ZZEF1: variants seen among roughly 807,000 people sequenced by gnomAD.
ZZEF1 encodes zinc finger ZZ-type and EF-hand domain-containing protein 1.
A neutral mutation model predicts 342.8 loss-of-function variants in ZZEF1; 157 were observed. That is an observed-to-expected ratio of 0.46 (90% CI 0.40 to 0.52). ZZEF1 has a LOEUF of 0.52. Ranked by LOEUF, ZZEF1 falls within the 20% of genes least tolerant of loss-of-function variation. The pLI, the probability that ZZEF1 is intolerant of heterozygous loss-of-function variation, is 0.00. For synonymous variants in ZZEF1, 1,505 were observed against 1,429.1 expected (o/e 1.05, Z -1.20); for missense variants, 3,480 against 3,725.6 (o/e 0.93, Z 1.72).
Position 4,023,656 on chromosome 17 carries a change from C to CAAAAAAA in ZZEF1, c.7093-835_7093-829dup, listed in dbSNP as rs71144154. Among the ~76,000 whole-genome samples, 7 of 71,436 alleles carry CAAAAAAA rather than the reference C, an allele frequency of 9.8e-5. 1 individual carries two copies. Among genetic ancestry groups the CAAAAAAA allele is most frequent in the African/African-American group, 3.0e-4 (6 of 20,288 alleles). The allele number at this position is 71,436 out of a possible 152,430, so 46.9% of individuals were successfully genotyped here. A position where few individuals can be genotyped will look rare whatever the true frequency, so the allele number is the denominator to read the frequency against. ...GAAACTTAGCAAGACCCTGTCTCTC[C>CAAAAAAA]AAAAAAAAAAAAAAAAAAAAAATTA... is the stretch of plus-strand genomic sequence containing the variant. On this transcript the variant is annotated intron_variant, in intron 43 of 54. Transcript: ENST00000381638.
intron 1 of ZZEF1, among the ~76,000 whole-genome samples, chr17:4,127,309 A>T (rs2058587781): frequency 6.6e-6 from 1 of 152,140 alleles, no homozygotes; most frequent in Non-Finnish European, 1.5e-5. Context: ...GCTCTAAATG[A>T]TCTTAAGGAG....
At chr17:4,102,476 T>C (rs1869493) in intron 8 of ZZEF1, 61 bp from the exon 9 acceptor site, 1,418,716 of 1,432,190 alleles carry the variant, frequency 0.99, 703,628 homozygotes, top group Non-Finnish European at 1. Context: ...GAAACTAGCA[T>C]GCCTATCTGT....
rs2145514404 is a variant in ZZEF1 at position 4,117,184 on chromosome 17, A to C, written c.500-18T>G. ...TGTGAAACCTAAACAGATGAAATCC[A>C]TTTTTGGTGTTTTGGGGAAGCCACA... is the stretch of plus-strand genomic sequence containing the variant. On this transcript the variant is annotated intron_variant, in intron 2 of 54. Coordinates refer to ENST00000381638, the MANE Select transcript of ZZEF1 (RefSeq NM_015113.4). 6.3e-7 allele frequency: 1 copy of C among 1,591,868 alleles called. No individual in the cohort carries two copies. Among genetic ancestry groups the C allele is most frequent in the Non-Finnish European group, 8.6e-7 (1 of 1,164,886 alleles).
intron 34 of ZZEF1, 116 bp from the exon 35 acceptor site, chr17:4,052,252 A>C (rs1440972315): frequency 6.2e-6 from 6 of 973,976 alleles, no homozygotes; most frequent in Non-Finnish European, 8.8e-6. Flanking sequence ...GCTCAGGGAT[A>C]CAGGGCCCAC....
chr17:4,061,432 C>T (rs919607732), intron 30 of ZZEF1, among the ~76,000 whole-genome samples: 8 of 152,064 alleles, frequency 5.3e-5, no homozygotes, highest in African/African-American at 1.9e-4. Context: ...TCTCTGCACC[C>T]TTTCTAGGAG....
chr17:4,055,327 G>A (rs894291445), intron 33 of ZZEF1, among the ~76,000 whole-genome samples: 10 of 152,194 alleles, frequency 6.6e-5, no homozygotes, highest in East Asian at 1.9e-4. Flanking sequence ...GTGGTGCTAC[G>A]TGAACAAAGT....
At chr17:4,092,685 T>G (rs1248146490) in intron 11 of ZZEF1, among the ~76,000 whole-genome samples, 1 of 152,196 alleles carries the variant, frequency 6.6e-6, no homozygotes, top group Non-Finnish European at 1.5e-5. Context: ...GAAACGGTAT[T>G]CTCTTAAGCC....
At position 4,109,789 on chromosome 17, in the gene ZZEF1, A is replaced by G; in HGVS notation, c.1141T>C (p.Phe381Leu). 6.2e-7 allele frequency: 1 copy of G among 1,614,234 alleles called. No homozygotes were observed. The highest frequency in any genetic ancestry group is 2.2e-5 in the East Asian group (1 of 44,890). ...TRIHGLRAVG[F>L]QRVKKSGVSV... ...ACCCCAGACTTCTTAACTCTCTGAA[A>G]GCCAACAGCCCTGAGACCATGAATT... The change falls in exon 6 of 55, where the codon TTT (phenylalanine) becomes CTT (leucine). Residue 381 changes from phenylalanine to leucine, a missense_variant. Physicochemically the swap from Phe to Leu is conservative, Grantham distance 22. Transcript: ENST00000381638.
chr17:4,131,986 A>T (rs1214056175), intron 1 of ZZEF1, among the ~76,000 whole-genome samples: 1 of 152,100 alleles, frequency 6.6e-6, no homozygotes, highest in Non-Finnish European at 1.5e-5. Flanking sequence ...AAAATAGATA[A>T]AGCCTAAAAC....
At chr17:4,077,074 C>G in intron 19 of ZZEF1, 85 bp from the exon 20 acceptor site, 1 of 1,318,290 alleles carries the variant, frequency 7.6e-7, no homozygotes, top group Non-Finnish European at 9.9e-7. Flanking sequence ...AATAAAGAGA[C>G]TCCAGAAGCT....
At chr17:4,057,526 G>T (rs1056132075) in intron 32 of ZZEF1, among the ~76,000 whole-genome samples, 1 of 152,136 alleles carries the variant, frequency 6.6e-6, no homozygotes, top group African/African-American at 2.4e-5. Flanking sequence ...CTTCATACAT[G>T]ACTTTTTTCT....
chr17:4,137,540 A>G (rs1258546200), intron 1 of ZZEF1, among the ~76,000 whole-genome samples: 1 of 152,198 alleles, frequency 6.6e-6, no homozygotes, highest in African/African-American at 2.4e-5. Flanking sequence ...TGAACCTGGG[A>G]GGCGGAGCTT....
At chr17:4,085,550 T>A in intron 16 of ZZEF1, 120 bp downstream of exon 16, 1 of 1,253,130 alleles carries the variant, frequency 8.0e-7, no homozygotes, top group Non-Finnish European at 1.1e-6. Context: ...AAGCTCTGCA[T>A]ATAATATTAA....
intron 28 of ZZEF1, among the ~76,000 whole-genome samples, chr17:4,065,295 G>T (rs2057370731): frequency 6.6e-6 from 1 of 151,912 alleles, no homozygotes; most frequent in South Asian, 2.1e-4. Context: ...TACTTGGGAG[G>T]CTGAGGCTGA....
At chr17:4,013,703 T>C (rs1390621164) in intron 51 of ZZEF1, 89 bp from the exon 52 acceptor site, 1 of 1,343,164 alleles carries the variant, frequency 7.4e-7, no homozygotes, top group Non-Finnish European at 9.9e-7. Flanking sequence ...TTGTGTACGT[T>C]AAGAATTCTA....
intron 6 of ZZEF1, among the ~76,000 whole-genome samples, chr17:4,107,992 C>T (rs1275405893): frequency 6.6e-6 from 1 of 152,126 alleles, no homozygotes; most frequent in Admixed American, 6.5e-5. Flanking sequence ...TTGCCACCAG[C>T]CAACTCCAGG....
At chr17:4,106,189 A>G (rs962102887) in intron 6 of ZZEF1, among the ~76,000 whole-genome samples, 3 of 152,006 alleles carry the variant, frequency 2.0e-5, no homozygotes, top group African/African-American at 7.2e-5. Context: ...CTCGTGATCC[A>G]CCTACCTCGT....
intron 42 of ZZEF1, among the ~76,000 whole-genome samples, chr17:4,029,058 A>G (rs1013101876): frequency 1.3e-5 from 2 of 152,242 alleles, no homozygotes; most frequent in African/African-American, 4.8e-5. Flanking sequence ...TAGAACAAGT[A>G]GATAAAACAT....
chr17:4,055,829 A>G (rs1227314477), intron 33 of ZZEF1, among the ~76,000 whole-genome samples: 1 of 152,202 alleles, frequency 6.6e-6, no homozygotes, highest in Non-Finnish European at 1.5e-5. Context: ...ACCAGGGACC[A>G]ATTTCGTAGA....
Sources: allele counts gnomAD v4.1 joint callset (sites outside exome capture counted in the v4.1 genomes callset), GRCh38; gene constraint gnomAD v4.1.1; transcripts MANE v1.5; gene names NCBI Gene and HGNC (gene_info 2026-07-23, HGNC 2026-07-21).